The following ANKS1B variants were observed in gnomAD, a reference collection of about 807,000 sequenced individuals.
ANKS1B encodes the protein ankyrin repeat and sterile alpha motif domain-containing protein 1B.
Under a neutral mutation model 148.3 loss-of-function variants are expected in ANKS1B, and 36 were observed. The observed-to-expected ratio is 0.24, with a 90% confidence interval of 0.19 to 0.32. The LOEUF is 0.32. Ranked by LOEUF, ANKS1B falls within the 10% of genes least tolerant of loss-of-function variation. The pLI is 1.00. For missense variants in ANKS1B, 1,157 were observed against 1,542.6 expected, an observed-to-expected ratio of 0.75 and a Z score of 4.19; for synonymous variants, 542 against 560.8, an observed-to-expected ratio of 0.97 and a Z score of 0.47.
At chr12:98,747,246 A>G (rs1000325713) in intron 26 of ANKS1B, among the ~76,000 whole-genome samples, 1 of 152,174 alleles carries the variant, frequency 6.6e-6, no homozygotes, top group Non-Finnish European at 1.5e-5. Context: ...AAAAACAAAA[A>G]CAAAAACAAA....
chr12:99,943,010 T>C (rs773982402), intron 1 of ANKS1B, among the ~76,000 whole-genome samples: 1 of 152,078 alleles, frequency 6.6e-6, no homozygotes, highest in Non-Finnish European at 1.5e-5. Flanking sequence ...TTTGATTAAA[T>C]GGAAAAGAGG....
At chr12:99,226,752 C>T (rs1046052259) in intron 14 of ANKS1B, among the ~76,000 whole-genome samples, 1 of 152,134 alleles carries the variant, frequency 6.6e-6, no homozygotes, top group East Asian at 1.9e-4. Flanking sequence ...CAAAGGAAGA[C>T]TAAGAACTTT....
chr12:98,824,382 G>A (rs1040092781), intron 19 of ANKS1B, among the ~76,000 whole-genome samples: 7 of 152,198 alleles, frequency 4.6e-5, no homozygotes, highest in South Asian at 2.1e-4. Context: ...TACAACCACC[G>A]GAGCACTTGC....
At chr12:99,670,358 TGA>T (rs980491905) in intron 8 of ANKS1B, among the ~76,000 whole-genome samples, 2 of 152,136 alleles carry the variant, frequency 1.3e-5, no homozygotes, top group African/African-American at 2.4e-5. Flanking sequence ...ACCTGTAATA[TGA>T]GAGTTATTCA....
At chr12:99,503,709 T>G (rs11109880) in intron 10 of ANKS1B, among the ~76,000 whole-genome samples, 27,233 of 152,002 alleles carry the variant, frequency 0.18, 2,551 homozygotes, top group Middle Eastern at 0.2. Context: ...AGACATCTAC[T>G]TGTACCACAT....
intron 1 of ANKS1B, among the ~76,000 whole-genome samples, chr12:99,938,666 TCA>T (rs1317044499): frequency 6.6e-6 from 1 of 152,174 alleles, no homozygotes; most frequent in Non-Finnish European, 1.5e-5. Flanking sequence ...CCAGAGTTGG[TCA>T]CACAGCCAGA....
At chr12:99,586,726 G>A (rs541863827) in intron 9 of ANKS1B, among the ~76,000 whole-genome samples, 11 of 152,266 alleles carry the variant, frequency 7.2e-5, no homozygotes, top group Non-Finnish European at 4.4e-5. Flanking sequence ...CATGGCTGGG[G>A]AGGCCTCACA....
At chr12:99,593,202 G>T (rs145954854) in intron 9 of ANKS1B, among the ~76,000 whole-genome samples, 1 of 151,982 alleles carries the variant, frequency 6.6e-6, no homozygotes, top group African/African-American at 2.4e-5. Flanking sequence ...AATTTGGAGT[G>T]CCCTGGCCAA....
intron 1 of ANKS1B, among the ~76,000 whole-genome samples, chr12:99,918,573 C>T (rs1431690432): frequency 6.6e-6 from 1 of 152,176 alleles, no homozygotes; most frequent in Non-Finnish European, 1.5e-5. Context: ...GAACTTGACC[C>T]TGGGCAGTCT....
Position 98,907,210 on chromosome 12 carries a change from T to C in ANKS1B, c.2779-75074A>G, listed in dbSNP as rs76836611. Among the ~76,000 whole-genome samples the C allele has an allele frequency of 5.4e-3, 829 of 152,308 alleles. 11 individuals are homozygous for C. Among genetic ancestry groups the C allele is most frequent in the African/African-American group, 0.019 (777 of 41,556 alleles). ...CCAACATCTCCCCTTTGCATATTCG[T>C]TGTTGGTCAGGGCTATCTTGATGGA... On this transcript the variant is annotated intron_variant, in intron 17 of 26. Coordinates refer to ENST00000683438, the MANE Select transcript of ANKS1B (RefSeq NM_001352186.2).
chr12:99,373,160 A>G (rs2152478537), intron 12 of ANKS1B, among the ~76,000 whole-genome samples: 1 of 152,306 alleles, frequency 6.6e-6, no homozygotes, highest in Admixed American at 6.5e-5. Context: ...CAGAGGTGGT[A>G]GTGAACTTGA....
intron 4 of ANKS1B, among the ~76,000 whole-genome samples, chr12:99,793,170 C>T (rs533392008): frequency 6.6e-6 from 1 of 151,950 alleles, no homozygotes; most frequent in African/African-American, 2.4e-5. Context: ...CTGTAAAATA[C>T]TGATGAAAGA....
intron 12 of ANKS1B, among the ~76,000 whole-genome samples, chr12:99,303,305 C>T (rs1038290055): frequency 2.0e-5 from 3 of 152,100 alleles, no homozygotes; most frequent in Non-Finnish European, 2.9e-5. Flanking sequence ...GTTCCAGATA[C>T]TTACTTTTCT....
intron 19 of ANKS1B, among the ~76,000 whole-genome samples, chr12:98,810,965 T>G (rs757815006): frequency 1.3e-5 from 2 of 152,216 alleles, no homozygotes; most frequent in Non-Finnish European, 2.9e-5. Flanking sequence ...ATGGTCTACC[T>G]TGGATGTTCC....
At chr12:99,055,983 C>A (rs2040062763) in intron 16 of ANKS1B, among the ~76,000 whole-genome samples, 1 of 152,070 alleles carries the variant, frequency 6.6e-6, no homozygotes, top group Admixed American at 6.5e-5. Flanking sequence ...TTCTCCTAGA[C>A]CAATCTTAAA....
At chr12:98,792,484 A>G (rs897910882) in intron 22 of ANKS1B, among the ~76,000 whole-genome samples, 13 of 152,168 alleles carry the variant, frequency 8.5e-5, no homozygotes, top group African/African-American at 2.9e-4. Context: ...GCTATTTTCA[A>G]GTATACAGTA....
At chr12:98,884,959 C>T (rs12317426) in intron 17 of ANKS1B, among the ~76,000 whole-genome samples, 8,242 of 151,206 alleles carry the variant, frequency 0.055, 350 homozygotes, top group East Asian at 0.12. Context: ...CTTAAAATAC[C>T]ACAAAAAAAC....
At chr12:98,750,631 C>T (rs1204513233) in intron 26 of ANKS1B, among the ~76,000 whole-genome samples, 3 of 152,086 alleles carry the variant, frequency 2.0e-5, no homozygotes, top group South Asian at 2.1e-4. Context: ...ATACGGCAGC[C>T]GGGGCAGAAA....
At chr12:99,189,943 A>T (rs1352151975) in intron 14 of ANKS1B, among the ~76,000 whole-genome samples, 1 of 152,226 alleles carries the variant, frequency 6.6e-6, no homozygotes, top group Admixed American at 6.5e-5. Context: ...AGAAAACCCC[A>T]TCGTCTCAGT....
Sources: allele counts gnomAD v4.1 joint callset (sites outside exome capture counted in the v4.1 genomes callset), GRCh38; gene constraint gnomAD v4.1.1; transcripts MANE v1.5; gene names NCBI Gene and HGNC (gene_info 2026-07-23, HGNC 2026-07-21).